The following DNAH10 variants were observed in gnomAD, a reference collection of about 807,000 sequenced individuals.
The protein encoded by DNAH10 is axonemal beta dynein heavy chain 10.
A neutral mutation model predicts 506.6 loss-of-function variants in DNAH10; 348 were observed. The ratio of observed to expected loss-of-function variants is 0.69; its 90% confidence interval spans 0.63 to 0.75. The LOEUF (loss-of-function observed/expected upper bound fraction) is 0.75. DNAH10 is among the 30% of genes least tolerant of loss of function. The probability of loss-of-function intolerance (pLI) is 0.00; values close to 1 mark genes in which losing one functional copy is unlikely to be tolerated. For synonymous variants in DNAH10, 2,059 were observed against 2,198.6 expected (o/e 0.94, Z 1.78); for missense variants, 5,179 against 5,787.1 (o/e 0.89, Z 3.41).
rs1282538201 is a variant in DNAH10 at position 123,913,258 on chromosome 12, A to T, written c.10295A>T (p.Glu3432Val). The T allele has an allele frequency of 6.2e-7, 1 of 1,608,764 alleles. No homozygotes were observed. The highest frequency in any genetic ancestry group is 1.7e-5 in the Admixed American group (1 of 59,462). The change falls in exon 60 of 79, where the codon GAG (glutamate) becomes GTG (valine). Residue 3432 changes from glutamate (E) to valine (V), a missense_variant. Transcript: ENST00000673944. The surrounding 1 kb of genome is among the most constrained non-coding windows in gnomAD (Gnocchi z 5.1). Reference sequence around the variant, plus strand: ...CTGCAGGAAGAAGCCGAGATCATGGAGAGGCGGCTGATTGCCGCAGACAAA... The same window carrying T: ...CTGCAGGAAGAAGCCGAGATCATGGTGAGGCGGCTGATTGCCGCAGACAAA... ...QKLQEEAEIMERRLIAADKLI... is the reference protein window; with the variant it reads ...QKLQEEAEIMVRRLIAADKLI...
In DNAH10 at chr12:123,783,260, C is replaced by T. The variant is rs775539811; in HGVS notation, c.995C>T (p.Pro332Leu). The change falls in exon 7 of 79, where the codon CCT becomes CTT. Residue 332 changes from proline (P) to leucine (L), a missense_variant. Pro to Leu is a moderately conservative substitution (Grantham distance 98). Around this residue, in one of 3 missense-constraint regions of DNAH10, gnomAD observed 4,844 missense variants for 5,430.5 expected, o/e 0.89. Coordinates refer to ENST00000673944, the MANE Select transcript of DNAH10 (RefSeq NM_001372106.1). Reference protein sequence around the residue: ...TAVEAQLKKTPQGKGPLAEIE... With the variant: ...TAVEAQLKKTLQGKGPLAEIE... ...GTTGAGGCCCAACTGAAGAAGACAC[C>T]TCAGGTAGTTTGTGCAGGGCTTTCA... is the stretch of plus-strand genomic sequence containing the variant. 8.7e-6 allele frequency: 14 copies of T among 1,613,674 alleles called. No homozygotes were observed. The highest frequency in any genetic ancestry group is 1.2e-5 in the Non-Finnish European group (14 of 1,179,992).
chr12:123,808,867 G>A lies in DNAH10; in HGVS notation c.3058G>A (p.Ala1020Thr). The A allele has an allele frequency of 5.6e-6, 9 of 1,614,100 alleles. No homozygotes were observed. The highest frequency in any genetic ancestry group is 7.6e-6 in the Non-Finnish European group (9 of 1,180,006). Residue 1020 changes from alanine (A) to threonine (T), a missense_variant, in exon 19 of 79, where the codon GCA becomes ACA. This residue lies in a region of DNAH10 where 4,844 missense variants were observed against 5,430.5 expected (regional missense o/e 0.89). Transcript: ENST00000673944. ...GTTCCACACTGAAACCATTCTGACG[G>A]CACCTGAGATCATCCTTCATCCCAA... ...PLFHTETILT[A>T]PEIILHPNTN...
chr12:123,839,300 A>C (rs1386339291), intron 29 of DNAH10, among the ~76,000 whole-genome samples: 1 of 152,130 alleles, frequency 6.6e-6, no homozygotes, highest in East Asian at 1.9e-4. Context: ...GTGGTTTAGC[A>C]CATGGACTCT....
At chr12:123,879,931 T>G in intron 50 of DNAH10, 130 bp downstream of exon 50, 1 of 1,106,056 alleles carries the variant, frequency 9.0e-7, no homozygotes, top group Non-Finnish European at 1.3e-6. Flanking sequence ...AAATACGGGC[T>G]TGTGTCTGGT....
At position 123,818,963 on chromosome 12, in the gene DNAH10, A is replaced by G. The variant is rs755166148; in HGVS notation, c.3794A>G (p.Glu1265Gly). Residue 1265 changes from glutamate to glycine, a missense_variant, in exon 22 of 79, where the codon GAG becomes GGG. This residue lies in a region of DNAH10 where 4,844 missense variants were observed against 5,430.5 expected (regional missense o/e 0.89). Transcript: ENST00000673944. ...TCTCCTAATTAGCCTCCTGATGCAG[A>G]GAAAGAACTGGTTGATAAGATTGAG... ...AMYNLFPPDAEKELVDKIESI... is the reference protein window; with the variant it reads ...AMYNLFPPDAGKELVDKIESI... The G allele has an allele frequency of 6.2e-7, 1 of 1,601,884 alleles. No individual in the cohort carries two copies. The highest frequency in any genetic ancestry group is 8.5e-7 in the Non-Finnish European group (1 of 1,173,762).
rs975405923 is a variant in DNAH10 at position 123,909,927 on chromosome 12, G to T, written c.9997+485G>T. ...GCCTCTCCTCCATCTTTGGTTATAG[G>T]ACTGAGTTCCCCTTGAGCTCAGTTC... is the stretch of plus-strand genomic sequence containing the variant. On this transcript the variant is annotated intron_variant, in intron 58 of 78. Coordinates refer to ENST00000673944, the MANE Select transcript of DNAH10 (RefSeq NM_001372106.1). The surrounding 1 kb of genome is among the most constrained non-coding windows in gnomAD (Gnocchi z 5.4). Among the ~76,000 whole-genome samples, 6 of 152,184 alleles carry T rather than the reference G, an allele frequency of 3.9e-5. No homozygotes were observed. The highest frequency in any genetic ancestry group is 1.2e-4 in the African/African-American group (5 of 41,456).
intron 59 of DNAH10, among the ~76,000 whole-genome samples, chr12:123,911,171 C>CAA (rs375061139): frequency 0.015 from 1,698 of 111,036 alleles, 32 homozygotes; most frequent in African/African-American, 0.051. Context: ...GACCCTGTCT[C>CAA]AAAAAAAAAA....
chr12:123,799,137 A>C (rs1958389050), intron 13 of DNAH10, 109 bp from the exon 14 acceptor site: 1 of 588,774 alleles, frequency 1.7e-6, no homozygotes, highest in Non-Finnish European at 2.3e-6. Flanking sequence ...TATAATGTTT[A>C]TAATAATTTA....
In DNAH10 at chr12:123,787,700, C is replaced by A; in HGVS notation, c.1422-104C>A. The A allele has an allele frequency of 2.2e-6, 3 of 1,381,556 alleles. No individual in the cohort carries two copies. Among genetic ancestry groups the A allele is most frequent in the Non-Finnish European group, 3.0e-6 (3 of 1,007,230 alleles). 85.6% of individuals were successfully genotyped at this position (1,381,556 alleles called of 1,614,324 possible). On this transcript the variant is annotated intron_variant, in intron 9 of 78. Coordinates refer to ENST00000673944, the MANE Select transcript of DNAH10 (RefSeq NM_001372106.1). This position sits in a 1 kb window ranked among gnomAD's most constrained non-coding sequence, Gnocchi z 4.6. ...GATGAGGCCGTGAAACCAGGGGGGG[C>A]GCCCGGGTCAGAGCTTCACGGGACA...
intron 19 of DNAH10, among the ~76,000 whole-genome samples, chr12:123,811,085 C>T (rs1352072889): frequency 2.0e-5 from 3 of 152,092 alleles, no homozygotes; most frequent in Non-Finnish European, 4.4e-5. Context: ...CATGGCTAGG[C>T]CACTTAATAT....
At position 123,893,451 on chromosome 12, in the gene DNAH10, G is replaced by A; in HGVS notation, c.9199+15G>A. ...AAACTTCCCAGGTACCCGCGGTGGA[G>A]CCTGTGAACCCATTTCCCCTGCTTT... On this transcript the variant is annotated intron_variant, in intron 53 of 78. Coordinates refer to ENST00000673944, the MANE Select transcript of DNAH10 (RefSeq NM_001372106.1). The A allele has an allele frequency of 1.2e-6, 2 of 1,611,820 alleles. No homozygotes were observed. Among genetic ancestry groups the A allele is most frequent in the Non-Finnish European group, 1.7e-6 (2 of 1,179,802 alleles).
rs1382271218 is a variant in DNAH10, at chr12:123,913,045, G to A, written c.10135-53G>A. The A allele has an allele frequency of 9.2e-6, 14 of 1,528,542 alleles. No homozygotes were observed. Among genetic ancestry groups the A allele is most frequent in the South Asian group, 1.2e-5 (1 of 82,436 alleles). 94.7% of individuals were successfully genotyped at this position (1,528,542 alleles called of 1,614,324 possible). On this transcript the variant is annotated intron_variant, in intron 59 of 78. Coordinates refer to ENST00000673944, the MANE Select transcript of DNAH10 (RefSeq NM_001372106.1). The surrounding 1 kb of genome is among the most constrained non-coding windows in gnomAD (Gnocchi z 5.1). ...TGGCCTGGTTTGAGGCCATGGGATCGCGGCCCCACCACGGTCCTTTTCCCC... is the reference window on the plus strand; with the variant it reads ...TGGCCTGGTTTGAGGCCATGGGATCACGGCCCCACCACGGTCCTTTTCCCC...
chr12:123,792,451 CTTTTTTTTT>C (rs78654407), intron 11 of DNAH10, among the ~76,000 whole-genome samples: 1 of 133,466 alleles, frequency 7.5e-6, no homozygotes, highest in Non-Finnish European at 1.6e-5. Flanking sequence ...TTCCTTTGTC[CTTTTTTTTT>C]TTTTTTTTTT....
intron 29 of DNAH10, among the ~76,000 whole-genome samples, chr12:123,838,934 C>T (rs1950666755): frequency 6.6e-6 from 1 of 152,172 alleles, no homozygotes. Flanking sequence ...ACCTCAGCTG[C>T]CTGAGTGGCT....
intron 42 of DNAH10, 39 bp downstream of exon 42, chr12:123,867,640 T>G: frequency 6.2e-7 from 1 of 1,610,576 alleles, no homozygotes; most frequent in Non-Finnish European, 8.5e-7. Context: ...AAGAAATTCT[T>G]TCCTAAAGAC....
intron 38 of DNAH10, among the ~76,000 whole-genome samples, 176 bp downstream of exon 38, chr12:123,859,444 AT>A (rs1473216529): frequency 6.6e-6 from 1 of 152,208 alleles, no homozygotes. Context: ...CTTAGTTAAG[AT>A]ATTTTAGAAT....
chr12:123,851,146 C>T (rs1414369205), intron 35 of DNAH10, 70 bp downstream of exon 35: 2 of 1,486,038 alleles, frequency 1.3e-6, no homozygotes, highest in Non-Finnish European at 1.8e-6. Flanking sequence ...GACTGGGGAC[C>T]TAGGACGCGT....
intron 54 of DNAH10, among the ~76,000 whole-genome samples, chr12:123,895,883 C>T (rs572891868): frequency 3.5e-4 from 53 of 152,090 alleles, no homozygotes; most frequent in African/African-American, 1.3e-3. Context: ...GAGGCTGAGG[C>T]GGGTGGATCA....
intron 73 of DNAH10, among the ~76,000 whole-genome samples, chr12:123,931,089 C>G (rs1030851866): frequency 4.7e-4 from 72 of 151,944 alleles, no homozygotes; most frequent in African/African-American, 1.7e-3. Flanking sequence ...GTGGTGAATA[C>G]CTGTAGTACC....
Sources: allele counts gnomAD v4.1 joint callset (sites outside exome capture counted in the v4.1 genomes callset), GRCh38; gene constraint gnomAD v4.1.1; regional missense constraint gnomAD v4.1.1; non-coding constraint Gnocchi (gnomAD v3.1); transcripts MANE v1.5; gene names NCBI Gene and HGNC (gene_info 2026-07-23, HGNC 2026-07-21).